Variants in SPECC1 observed in about 807,000 individuals in gnomAD.
The protein encoded by SPECC1 is cytospin-B.
SPECC1 carries 62 observed loss-of-function variants against 104.1 expected under a neutral mutation model. The observed-to-expected ratio is 0.60, with a 90% confidence interval of 0.49 to 0.74. The LOEUF (loss-of-function observed/expected upper bound fraction) is 0.74. SPECC1 is among the 30% of genes least tolerant of loss of function. The probability of loss-of-function intolerance (pLI) is 0.00; values close to 1 mark genes in which losing one functional copy is unlikely to be tolerated. For missense variants in SPECC1, 1,306 were observed against 1,310.5 expected (o/e 1.00, Z 0.05); for synonymous variants, 513 against 501.6 (o/e 1.02, Z -0.30).
intron 2 of SPECC1, among the ~76,000 whole-genome samples, chr17:20,099,038 C>T (rs1202495275): frequency 6.6e-6 from 1 of 152,162 alleles, no homozygotes; most frequent in Non-Finnish European, 1.5e-5. Flanking sequence ...TGCCACTTCC[C>T]CACTGTGAAG....
At chr17:20,132,209 G>C (rs1414181693) in intron 3 of SPECC1, among the ~76,000 whole-genome samples, 1 of 152,148 alleles carries the variant, frequency 6.6e-6, no homozygotes, top group Admixed American at 6.5e-5. Flanking sequence ...TGATTTTTCA[G>C]ATCTTGAACC....
chr17:20,232,404 C>T lies in SPECC1; in HGVS notation c.2350C>T (p.Pro784Ser). The change falls in exon 7 of 15, where the codon CCA becomes TCA. Residue 784 changes from proline (P) to serine (S), a missense_variant and splice_region_variant. Around this residue, in one of 2 missense-constraint regions of SPECC1, gnomAD observed 1,177 missense variants for 1,139.9 expected, o/e 1.03. Coordinates refer to ENST00000395527, the MANE Select transcript of SPECC1 (RefSeq NM_001243439.2). Reference protein sequence around the residue: ...GRVVTSRAAPPPVDEEPESSE... With the variant: ...GRVVTSRAAPSPVDEEPESSE... Reference sequence around the variant, plus strand: ...GGTGGTCACCAGCAGAGCCGCCCCTCCGTGAGTCTGGTGGGCACCAGGGCC... The same window carrying T: ...GGTGGTCACCAGCAGAGCCGCCCCTTCGTGAGTCTGGTGGGCACCAGGGCC... 6.2e-7 allele frequency: 1 copy of T among 1,605,404 alleles called. No individual in the cohort carries two copies. Among genetic ancestry groups the T allele is most frequent in the South Asian group, 1.1e-5 (1 of 90,214 alleles).
intron 14 of SPECC1, among the ~76,000 whole-genome samples, chr17:20,312,978 C>G (rs1467883017): frequency 6.6e-6 from 1 of 152,190 alleles, no homozygotes; most frequent in Non-Finnish European, 1.5e-5. Flanking sequence ...CTGCTTCTGG[C>G]TTTACATCAG....
At chr17:20,199,061 T>A (rs1214049276) in intron 3 of SPECC1, among the ~76,000 whole-genome samples, 1 of 150,290 alleles carries the variant, frequency 6.7e-6, no homozygotes, top group South Asian at 2.1e-4. Context: ...GGTAATGGAA[T>A]TGCAGGATCT....
chr17:20,148,724 T>C (rs1417072252), intron 3 of SPECC1, among the ~76,000 whole-genome samples: 1 of 151,854 alleles, frequency 6.6e-6, no homozygotes, highest in Admixed American at 6.6e-5. Context: ...TAGAATTGTA[T>C]TCTTTTTTTT....
chr17:20,143,385 C>CAAAA (rs559355436), intron 3 of SPECC1, among the ~76,000 whole-genome samples: 1,733 of 106,300 alleles, frequency 0.016, 37 homozygotes, highest in East Asian at 0.09. Context: ...GATCAAGTTT[C>CAAAA]AAAAAAAAAA....
At chr17:20,308,667 A>G (rs900764530) in intron 14 of SPECC1, among the ~76,000 whole-genome samples, 1 of 152,238 alleles carries the variant, frequency 6.6e-6, no homozygotes, top group African/African-American at 2.4e-5. Context: ...ACACAAAGAA[A>G]AAATATCCCC....
chr17:20,202,311 A>G (rs1328142377), intron 3 of SPECC1, among the ~76,000 whole-genome samples: 4 of 152,186 alleles, frequency 2.6e-5, no homozygotes, highest in East Asian at 1.9e-4. Flanking sequence ...TACACCTCAG[A>G]TCGCAGTAAA....
intron 1 of SPECC1, among the ~76,000 whole-genome samples, chr17:20,082,859 C>T (rs2047027877): frequency 6.6e-6 from 1 of 151,994 alleles, no homozygotes; most frequent in Admixed American, 6.5e-5. Context: ...TGACTAGAGT[C>T]TCAGTGAGAT....
At chr17:20,215,752 T>C (rs1348476226) in intron 4 of SPECC1, among the ~76,000 whole-genome samples, 3 of 152,262 alleles carry the variant, frequency 2.0e-5, no homozygotes, top group African/African-American at 4.8e-5. Context: ...TGTACTGTTT[T>C]CTTTGTTCTT....
chr17:20,238,519 T>G, intron 7 of SPECC1: 1 of 1,041,866 alleles, frequency 9.6e-7, no homozygotes, highest in East Asian at 5.8e-5. Context: ...AAAGGAAAAT[T>G]AGGAACAGGA....
At chr17:20,053,904 T>C (rs1039726453) in intron 1 of SPECC1, among the ~76,000 whole-genome samples, 1 of 152,222 alleles carries the variant, frequency 6.6e-6, no homozygotes, top group Non-Finnish European at 1.5e-5. Context: ...AGTGATTGGC[T>C]ACACACCAGT....
chr17:20,262,830 A>G (rs72832504), intron 12 of SPECC1, among the ~76,000 whole-genome samples: 7,455 of 152,160 alleles, frequency 0.049, 261 homozygotes, highest in Non-Finnish European at 0.078. Flanking sequence ...TACCCAGAGT[A>G]TGTGTATCCT....
chr17:20,169,309 G>T (rs1200612193), intron 3 of SPECC1, among the ~76,000 whole-genome samples: 1 of 152,190 alleles, frequency 6.6e-6, no homozygotes, highest in Non-Finnish European at 1.5e-5. Flanking sequence ...CTCCTCAGAG[G>T]CACTGGTGTT....
intron 4 of SPECC1, among the ~76,000 whole-genome samples, chr17:20,211,613 C>G (rs1234887214): frequency 6.6e-6 from 1 of 152,246 alleles, no homozygotes; most frequent in Non-Finnish European, 1.5e-5. Flanking sequence ...AGGCATGTGG[C>G]CCGGAACTCA....
chr17:20,298,014 C>T (rs953437896), intron 13 of SPECC1, among the ~76,000 whole-genome samples: 21 of 152,162 alleles, frequency 1.4e-4, no homozygotes, highest in African/African-American at 4.8e-4. Context: ...GACAGAGTGA[C>T]GGGGATCACA....
chr17:20,085,170 C>T (rs1187502784), intron 1 of SPECC1, among the ~76,000 whole-genome samples: 1 of 152,226 alleles, frequency 6.6e-6, no homozygotes, highest in Non-Finnish European at 1.5e-5. Flanking sequence ...AAGTGCAAGA[C>T]AGCTGGCAGG....
At chr17:20,168,347 T>G (rs753400160) in intron 3 of SPECC1, among the ~76,000 whole-genome samples, 35 of 152,198 alleles carry the variant, frequency 2.3e-4, no homozygotes, top group Admixed American at 7.2e-4. Flanking sequence ...TCAGTACATT[T>G]AAAGATAAAA....
intron 1 of SPECC1, among the ~76,000 whole-genome samples, chr17:20,046,619 T>C (rs1597610904): frequency 6.6e-6 from 1 of 151,668 alleles, no homozygotes; most frequent in Admixed American, 6.6e-5. Flanking sequence ...TGGAATAGGG[T>C]GAGTGAGGTC....
Sources: allele counts gnomAD v4.1 joint callset (sites outside exome capture counted in the v4.1 genomes callset), GRCh38; gene constraint gnomAD v4.1.1; regional missense constraint gnomAD v4.1.1; transcripts MANE v1.5; gene names NCBI Gene and HGNC (gene_info 2026-07-23, HGNC 2026-07-21).